Variants in PIK3C2G observed in about 807,000 individuals in gnomAD.
The protein encoded by PIK3C2G is phosphatidylinositol 3-kinase C2 domain-containing subunit gamma.
In PIK3C2G, 168 loss-of-function variants were observed where a neutral mutation model predicts 181.1. The observed-to-expected ratio is 0.93, with a 90% CI of 0.82 to 1.05. The LOEUF (loss-of-function observed/expected upper bound fraction) is 1.05. PIK3C2G is among the 50% of genes least tolerant of loss of function. PIK3C2G has a pLI of 0.00. For synonymous variants in PIK3C2G, 573 were observed against 592.2 expected, an observed-to-expected ratio of 0.97 and a Z score of 0.47; for missense variants, 1,869 against 1,732.8, an observed-to-expected ratio of 1.08 and a Z score of -1.40.
intron 2 of PIK3C2G, among the ~76,000 whole-genome samples, chr12:18,286,186 C>T (rs1473606820): frequency 6.6e-6 from 1 of 151,994 alleles, no homozygotes; most frequent in African/African-American, 2.4e-5. Flanking sequence ...AAAATGGTTT[C>T]TTTAATCCTA....
the PIK3C2G span, chr12:18,699,793 C>A: frequency 6.2e-7 from 1 of 1,612,826 alleles, no homozygotes; most frequent in Non-Finnish European, 8.5e-7. Context: ...CAAAAATTTA[C>A]CTCGCAATTT....
In PIK3C2G at chr12:18,608,635, C is replaced by A. The variant is rs561942869; in HGVS notation, c.4088-900C>A. On this transcript the variant is annotated intron_variant, in intron 30 of 32. Coordinates refer to ENST00000538779, the MANE Select transcript of PIK3C2G (RefSeq NM_001288772.2). ...TGACAAGTTAATGGGTGCAGCACAC[C>A]AACATGGCACATGTATATATATGTA... Among the ~76,000 whole-genome samples, 693 of 151,726 alleles carry A rather than the reference C, an allele frequency of 4.6e-3. 7 individuals are homozygous for A. Among genetic ancestry groups the A allele is most frequent in the African/African-American group, 0.016 (655 of 41,372 alleles).
chr12:18,402,267 A>G (rs958811967), intron 16 of PIK3C2G, among the ~76,000 whole-genome samples: 1 of 152,200 alleles, frequency 6.6e-6, no homozygotes, highest in Non-Finnish European at 1.5e-5. Context: ...GAAAGAAGCC[A>G]GTTACAGAAG....
rs1271790559 is a variant in PIK3C2G, at chr12:18,505,417, T to C, written c.3279T>C (p.Phe1093=). ...TKSGHMFHID[F]GKFLGHAQTF... ...CGGGCCACATGTTTCATATTGACTTTGGAAAATTCTTAGGTCATGCACAAA... is the reference window on the plus strand; with the variant it reads ...CGGGCCACATGTTTCATATTGACTTCGGAAAATTCTTAGGTCATGCACAAA... The change falls in exon 24 of 33, where the codon TTT becomes TTC. Residue 1093 remains phenylalanine, a synonymous_variant. Coordinates refer to ENST00000538779, the MANE Select transcript of PIK3C2G (RefSeq NM_001288772.2). 9.3e-6 allele frequency: 15 copies of C among 1,613,442 alleles called. No homozygotes were observed. The highest frequency in any genetic ancestry group is 1.3e-5 in the African/African-American group (1 of 74,912).
At chr12:18,483,123 T>C (rs991139692) in intron 18 of PIK3C2G, among the ~76,000 whole-genome samples, 9 of 152,176 alleles carry the variant, frequency 5.9e-5, no homozygotes, top group African/African-American at 1.4e-4. Context: ...TCCAAAGCCA[T>C]TGGCCCCTTT....
At chr12:18,688,908 G>A in the PIK3C2G span, among the ~76,000 whole-genome samples, 2 of 151,324 alleles carry the variant, frequency 1.3e-5, no homozygotes, top group Non-Finnish European at 2.9e-5. Context: ...AATTTCTGAA[G>A]GTTACATAAG....
Position 18,441,034 on chromosome 12 carries a change from T to C in PIK3C2G, c.2504+16995T>C, listed in dbSNP as rs116057298. 5.7e-4 allele frequency among the ~76,000 whole-genome samples: 86 copies of C among 152,042 alleles called. 1 individual carries two copies. The highest frequency in any genetic ancestry group is 1.9e-3 in the African/African-American group (77 of 41,464). The stretch of plus-strand genomic sequence containing the variant: ...AGTGGTAACGCCAACATTTTAAAAA[T>C]CAAAGAGATAAAGTAGAACCAAAAA... On this transcript the variant is annotated intron_variant, in intron 18 of 32. Transcript: ENST00000538779.
At chr12:18,544,513 C>T (rs1475712763) in intron 25 of PIK3C2G, among the ~76,000 whole-genome samples, 2 of 151,488 alleles carry the variant, frequency 1.3e-5, no homozygotes, top group East Asian at 3.9e-4. Context: ...ATGATAATTA[C>T]AATGAAAAGG....
intron 18 of PIK3C2G, among the ~76,000 whole-genome samples, chr12:18,433,674 C>G (rs1003773613): frequency 1.3e-5 from 2 of 152,182 alleles, no homozygotes; most frequent in Non-Finnish European, 2.9e-5. Context: ...AAAACCAAGA[C>G]TTTCTCAGTT....
At chr12:18,253,397 T>C (rs1043535483) in intron 1 of PIK3C2G, among the ~76,000 whole-genome samples, 3 of 152,180 alleles carry the variant, frequency 2.0e-5, no homozygotes, top group Non-Finnish European at 4.4e-5. Context: ...TTGGTGCTTA[T>C]TATAATCAAG....
At chr12:18,352,535 C>G (rs532738956) in intron 11 of PIK3C2G, among the ~76,000 whole-genome samples, 10 of 152,284 alleles carry the variant, frequency 6.6e-5, no homozygotes, top group African/African-American at 2.4e-4. Context: ...CCTGGATCCC[C>G]AGAAGGCATC....
At chr12:18,304,491 T>C (rs1480413194) in intron 5 of PIK3C2G, among the ~76,000 whole-genome samples, 2 of 152,154 alleles carry the variant, frequency 1.3e-5, no homozygotes, top group Non-Finnish European at 2.9e-5. Flanking sequence ...GCCTGACCTC[T>C]AGTGATCAAC....
the PIK3C2G span, among the ~76,000 whole-genome samples, chr12:18,706,259 A>G: frequency 2.6e-5 from 4 of 152,004 alleles, no homozygotes; most frequent in Non-Finnish European, 5.9e-5. Context: ...AAAAAAAAGA[A>G]GAAGACAGAG....
chr12:18,524,193 T>A (rs1943092138), intron 24 of PIK3C2G, among the ~76,000 whole-genome samples: 1 of 152,206 alleles, frequency 6.6e-6, no homozygotes, highest in Non-Finnish European at 1.5e-5. Context: ...ACTGAATGTG[T>A]GCCTCCAACT....
chr12:18,256,983 T>C (rs971640741), upstream of PIK3C2G, among the ~76,000 whole-genome samples: 1 of 152,114 alleles, frequency 6.6e-6, no homozygotes. Flanking sequence ...AGGACAACTC[T>C]TCCGTTCTCA....
At chr12:18,426,255 A>G (rs964571160) in intron 18 of PIK3C2G, among the ~76,000 whole-genome samples, 1 of 152,154 alleles carries the variant, frequency 6.6e-6, no homozygotes, top group African/African-American at 2.4e-5. Context: ...ACACTTGACT[A>G]TCTAACTTTG....
chr12:18,449,690 T>G (rs12049948), intron 18 of PIK3C2G, among the ~76,000 whole-genome samples: 1 of 152,092 alleles, frequency 6.6e-6, no homozygotes, highest in Non-Finnish European at 1.5e-5. Context: ...ATTGTCTTTA[T>G]CCAGTCTATC....
intron 31 of PIK3C2G, among the ~76,000 whole-genome samples, chr12:18,636,679 T>G (rs536626642): frequency 6.6e-6 from 1 of 152,328 alleles, no homozygotes; most frequent in South Asian, 2.1e-4. Context: ...GTTAAGCTGA[T>G]GATAATCCAC....
At chr12:18,572,831 T>C (rs1184490516) in intron 29 of PIK3C2G, among the ~76,000 whole-genome samples, 1 of 150,360 alleles carries the variant, frequency 6.7e-6, no homozygotes, top group East Asian at 1.9e-4. Flanking sequence ...ACATAACTTC[T>C]GGGTTATTAA....
Sources: gnomAD v4.1 joint callset for allele counts (sites outside exome capture counted in the v4.1 genomes callset) on GRCh38, gnomAD v4.1.1 for gene constraint, MANE v1.5 for transcripts, NCBI Gene and HGNC (gene_info 2026-07-23, HGNC 2026-07-21) for gene names.